Variants in SESN1 observed in about 807,000 individuals in gnomAD.
SESN1 encodes the protein sestrin-1.
SESN1 carries 30 observed loss-of-function variants against 59.3 expected under a neutral mutation model. The ratio of observed to expected loss-of-function variants is 0.51; its 90% CI spans 0.38 to 0.69. SESN1 has a LOEUF of 0.69. Ranked by LOEUF, SESN1 falls within the 30% of genes least tolerant of loss-of-function variation. The pLI is 0.00. For missense variants in SESN1, 566 were observed against 673.0 expected (o/e 0.84, Z 1.76); for synonymous variants, 197 against 219.9 (o/e 0.90, Z 0.92).
At chr6:109,020,272 A>G (rs1256698164) in intron 1 of SESN1, among the ~76,000 whole-genome samples, 1 of 152,192 alleles carries the variant, frequency 6.6e-6, no homozygotes, top group African/African-American at 2.4e-5. Context: ...AACTGATAAA[A>G]TCTTCTCACC....
intron 1 of SESN1, among the ~76,000 whole-genome samples, chr6:109,057,047 A>T (rs1780643380): frequency 6.6e-6 from 1 of 152,144 alleles, no homozygotes; most frequent in African/African-American, 2.4e-5. Context: ...TATGGTAAGG[A>T]ACTGAATTCT....
chr6:109,024,893 A>C (rs1780065897), intron 1 of SESN1, among the ~76,000 whole-genome samples: 1 of 152,234 alleles, frequency 6.6e-6, no homozygotes, highest in Non-Finnish European at 1.5e-5. Flanking sequence ...GAACTATCAC[A>C]AATTGGAGAC....
intron 1 of SESN1, chr6:109,009,337 G>C: frequency 6.8e-7 from 1 of 1,465,500 alleles, no homozygotes; most frequent in Non-Finnish European, 9.0e-7. Flanking sequence ...CCAGCGGCCC[G>C]CTCAGCCCCT....
intron 8 of SESN1, 79 bp downstream of exon 8, chr6:108,990,566 T>C (rs1779352043): frequency 8.0e-7 from 1 of 1,252,376 alleles, no homozygotes; most frequent in East Asian, 2.3e-5. Context: ...TGTGTGTCTA[T>C]GTGCATGTGC....
chr6:109,062,105 G>A (rs1335816063), intron 1 of SESN1, among the ~76,000 whole-genome samples: 3 of 152,182 alleles, frequency 2.0e-5, no homozygotes, highest in Non-Finnish European at 4.4e-5. Context: ...GCTCACTGCA[G>A]CCTTGAACTC....
At chr6:108,998,096 TAAG>T (rs1443828072) in intron 5 of SESN1, among the ~76,000 whole-genome samples, 2 of 152,154 alleles carry the variant, frequency 1.3e-5, no homozygotes, top group African/African-American at 4.8e-5. Context: ...TATAAAAAAT[TAAG>T]AAGCCAGACT....
intron 1 of SESN1, among the ~76,000 whole-genome samples, chr6:109,045,162 T>A (rs1225974307): frequency 6.6e-6 from 1 of 152,202 alleles, no homozygotes; most frequent in Admixed American, 6.5e-5. Context: ...TGTGCCTAGC[T>A]AGGCTCCTCT....
chr6:108,988,623 T>C lies in SESN1; in HGVS notation c.1489A>G (p.Lys497Glu). 1.2e-6 allele frequency: 2 copies of C among 1,612,854 alleles called. No homozygotes were observed. Among genetic ancestry groups the C allele is most frequent in the Non-Finnish European group, 1.7e-6 (2 of 1,179,224 alleles). ...LLDRSFKVYI[K>E]TVVCTPEKVT... ...TTTTCAGGAGTGCAAACAACAGTTT[T>C]GATATAAACTTTAAAGCTACGATCC... The change falls in exon 9 of 10, where the codon AAA becomes GAA. Residue 497 changes from lysine to glutamate, a missense_variant. Transcript: ENST00000436639.
intron 1 of SESN1, among the ~76,000 whole-genome samples, chr6:109,012,699 A>C (rs1035131224): frequency 6.6e-6 from 1 of 152,180 alleles, no homozygotes; most frequent in Non-Finnish European, 1.5e-5. Context: ...TCTAAGTAAA[A>C]GATCTAGCAT....
chr6:109,002,297 C>G lies in SESN1; in HGVS notation c.326G>C (p.Arg109Thr), dbSNP rs552659231. The change falls in exon 2 of 10, where the codon AGA becomes ACA. Residue 109 changes from arginine (R) to threonine (T), a missense_variant. By Grantham distance (71) the Arg-to-Thr change is moderately conservative (BLOSUM62 -1). Coordinates refer to ENST00000436639, the MANE Select transcript of SESN1 (RefSeq NM_014454.3). ...ACGTACCTCCTTTTCTGGGATGAAT[C>G]TGCTTGGTCCCTGTCCTAGTGGTCG... ...IPRPLGQGPS[R>T]FIPEKEILQV... The G allele has an allele frequency of 2.5e-6, 4 of 1,613,396 alleles. No individual in the cohort carries two copies. In the African/African-American group the frequency reaches 5.3e-5, roughly 22 times the overall value.
At chr6:108,991,431 T>C (rs990401036) in intron 7 of SESN1, among the ~76,000 whole-genome samples, 4 of 152,184 alleles carry the variant, frequency 2.6e-5, no homozygotes, top group South Asian at 4.1e-4. Context: ...TTTGTAGAGA[T>C]AGGGTCTTGT....
intron 1 of SESN1, among the ~76,000 whole-genome samples, chr6:109,052,010 C>T (rs964576436): frequency 5.9e-5 from 9 of 152,140 alleles, no homozygotes; most frequent in African/African-American, 1.9e-4. Context: ...ACATTCAAAC[C>T]ACAGCAGACA....
At chr6:109,071,484 G>A (rs955456661) in intron 1 of SESN1, among the ~76,000 whole-genome samples, 9 of 151,752 alleles carry the variant, frequency 5.9e-5, no homozygotes, top group Non-Finnish European at 1.0e-4. Flanking sequence ...TAACTTCCTC[G>A]AGGTTAGACA....
chr6:108,992,133 C>CTT (rs1407897525), intron 7 of SESN1, among the ~76,000 whole-genome samples: 2 of 152,136 alleles, frequency 1.3e-5, no homozygotes, highest in African/African-American at 4.8e-5. Context: ...GGATCCCACT[C>CTT]TGTCACCCAG....
Position 109,026,600 on chromosome 6 carries a change from G to A in SESN1, c.280-24257C>T, listed in dbSNP as rs567497756. ...CAACCTTCTCCGCCTCCCAGTTTCG[G>A]TTCAAGCGATTCTCCTGCCTCAGCC... On this transcript the variant is annotated intron_variant, in intron 1 of 9. Transcript: ENST00000436639. Among the ~76,000 whole-genome samples, 15 of 152,198 alleles carry A rather than the reference G, an allele frequency of 9.9e-5. No homozygotes were observed. The South Asian group carries it at 3.1e-3, about 32-fold the overall frequency.
At chr6:108,999,300 A>G (rs1458721955) in intron 4 of SESN1, among the ~76,000 whole-genome samples, 3 of 152,080 alleles carry the variant, frequency 2.0e-5, no homozygotes, top group African/African-American at 7.2e-5. Context: ...CTATTTTGTA[A>G]TCTTGTATAA....
intron 1 of SESN1, among the ~76,000 whole-genome samples, chr6:109,022,138 G>T (rs1256822082): frequency 6.6e-6 from 1 of 151,076 alleles, no homozygotes; most frequent in Non-Finnish European, 1.5e-5. Flanking sequence ...TTCCTATAGA[G>T]ATGCACCCAT....
At chr6:109,086,886 C>T (rs530422355) in intron 1 of SESN1, among the ~76,000 whole-genome samples, 106 of 152,272 alleles carry the variant, frequency 7.0e-4, no homozygotes, top group Non-Finnish European at 1.2e-3. Context: ...GTAATCCCAG[C>T]ACTTTGGGAG....
chr6:109,073,018 TG>T (rs766858906), intron 1 of SESN1, among the ~76,000 whole-genome samples: 4 of 152,218 alleles, frequency 2.6e-5, no homozygotes, highest in Non-Finnish European at 5.9e-5. Context: ...TTTTTTTGTT[TG>T]TTTTTTTAGT....
Sources: gnomAD v4.1 joint callset for allele counts (sites outside exome capture counted in the v4.1 genomes callset) on GRCh38, gnomAD v4.1.1 for gene constraint, MANE v1.5 for transcripts, NCBI Gene and HGNC (gene_info 2026-07-23, HGNC 2026-07-21) for gene names.